Variants in LRRTM4 observed in about 807,000 individuals in gnomAD.
LRRTM4 encodes the protein leucine-rich repeat transmembrane neuronal protein 4.
LRRTM4 carries 25 observed loss-of-function variants against 47.6 expected under a neutral mutation model. The observed-to-expected ratio is 0.53, with a 90% CI of 0.38 to 0.73. The LOEUF is 0.73. LRRTM4 is among the 30% of genes least tolerant of loss of function. The probability of loss-of-function intolerance (pLI) is 0.00; values close to 1 mark genes in which losing one functional copy is unlikely to be tolerated. For synonymous variants in LRRTM4, 311 were observed against 269.5 expected (o/e 1.15, Z -1.51); for missense variants, 638 against 713.4 (o/e 0.89, Z 1.20).
At chr2:77,085,270 C>T (rs1038172822) in intron 3 of LRRTM4, among the ~76,000 whole-genome samples, 4 of 151,476 alleles carry the variant, frequency 2.6e-5, no homozygotes, top group African/African-American at 9.7e-5. Flanking sequence ...TCATAGTAAG[C>T]CTTTTATTTT....
intron 3 of LRRTM4, among the ~76,000 whole-genome samples, chr2:77,062,646 G>A (rs1679823676): frequency 6.6e-6 from 1 of 152,018 alleles, no homozygotes; most frequent in African/African-American, 2.4e-5. Flanking sequence ...GGACTTAGAT[G>A]GTAACTCAGG....
At chr2:77,068,853 G>T (rs1345819416) in intron 3 of LRRTM4, among the ~76,000 whole-genome samples, 2 of 152,188 alleles carry the variant, frequency 1.3e-5, no homozygotes, top group African/African-American at 2.4e-5. Flanking sequence ...AAGGTTGTGG[G>T]TTTACCGGAA....
chr2:77,430,173 C>A (rs112867423), intron 3 of LRRTM4, among the ~76,000 whole-genome samples: 1 of 152,024 alleles, frequency 6.6e-6, no homozygotes, highest in Non-Finnish European at 1.5e-5. Context: ...CAAACAATAA[C>A]AATGTGAGGT....
At chr2:77,130,487 G>C (rs1671764928) in intron 3 of LRRTM4, among the ~76,000 whole-genome samples, 2 of 151,870 alleles carry the variant, frequency 1.3e-5, no homozygotes, top group South Asian at 4.2e-4. Flanking sequence ...TTGTTTGTCA[G>C]ACATATACTA....
chr2:77,217,475 C>T (rs755104895), intron 3 of LRRTM4, among the ~76,000 whole-genome samples: 3 of 33,960 alleles, frequency 8.8e-5, no homozygotes, highest in Non-Finnish European at 1.5e-4. Flanking sequence ...ATATACTAAG[C>T]CTTTAATTTA....
chr2:76,841,249 G>C (rs999202249), intron 3 of LRRTM4, among the ~76,000 whole-genome samples: 1 of 151,036 alleles, frequency 6.6e-6, no homozygotes, highest in Admixed American at 6.6e-5. Context: ...CACAGGAAGG[G>C]GAACATCACA....
chr2:77,302,037 T>C (rs147241691), intron 3 of LRRTM4, among the ~76,000 whole-genome samples: 55 of 152,318 alleles, frequency 3.6e-4, no homozygotes, highest in African/African-American at 1.2e-3. Flanking sequence ...TTCTTTGTCA[T>C]CTAGGTAGAA....
chr2:76,853,456 C>A (rs1163763358), intron 3 of LRRTM4, among the ~76,000 whole-genome samples: 1 of 152,010 alleles, frequency 6.6e-6, no homozygotes, highest in African/African-American at 2.4e-5. Context: ...TTGCTGACTT[C>A]TTTTTTAAGA....
At chr2:77,006,328 C>T (rs1192666364) in intron 3 of LRRTM4, among the ~76,000 whole-genome samples, 1 of 152,140 alleles carries the variant, frequency 6.6e-6, no homozygotes, top group Non-Finnish European at 1.5e-5. Flanking sequence ...AAGATGTTTT[C>T]TAAATTCTCA....
intron 3 of LRRTM4, among the ~76,000 whole-genome samples, chr2:77,036,285 C>A (rs1306199743): frequency 1.3e-5 from 2 of 151,732 alleles, no homozygotes; most frequent in Non-Finnish European, 2.9e-5. Flanking sequence ...TATAGCATTT[C>A]TGGCTTTATC....
At chr2:76,829,285 G>C (rs751454734) in intron 3 of LRRTM4, among the ~76,000 whole-genome samples, 38 of 152,056 alleles carry the variant, frequency 2.5e-4, no homozygotes, top group Non-Finnish European at 4.9e-4. Context: ...ATGTGTATAA[G>C]GCTCCTCGAG....
chr2:77,271,642 A>G (rs1483397725), intron 3 of LRRTM4, among the ~76,000 whole-genome samples: 1 of 152,146 alleles, frequency 6.6e-6, no homozygotes, highest in Non-Finnish European at 1.5e-5. Flanking sequence ...ATAGCTTCCT[A>G]AAGGGTCTTT....
At chr2:76,828,157 CTT>C (rs1234395998) in intron 3 of LRRTM4, among the ~76,000 whole-genome samples, 1 of 151,846 alleles carries the variant, frequency 6.6e-6, no homozygotes, top group East Asian at 1.9e-4. Context: ...GTGAATTTCA[CTT>C]TAACATTGAA....
At chr2:77,230,046 T>C (rs927142005) in intron 3 of LRRTM4, among the ~76,000 whole-genome samples, 1 of 152,126 alleles carries the variant, frequency 6.6e-6, no homozygotes, top group Non-Finnish European at 1.5e-5. Flanking sequence ...ATTCTTGTAA[T>C]TCCTCTAATT....
intron 3 of LRRTM4, among the ~76,000 whole-genome samples, chr2:77,201,313 A>G (rs1279100779): frequency 6.6e-6 from 1 of 152,116 alleles, no homozygotes; most frequent in Non-Finnish European, 1.5e-5. Context: ...CTATAGGAGT[A>G]CCCAAGAAAA....
At chr2:77,510,249 A>G (rs964064798) in intron 3 of LRRTM4, among the ~76,000 whole-genome samples, 4 of 152,140 alleles carry the variant, frequency 2.6e-5, no homozygotes, top group Non-Finnish European at 5.9e-5. Flanking sequence ...GTTAAAGGAA[A>G]CAAGAAATCA....
chr2:76,762,818 A>AT (rs1673305266), intron 3 of LRRTM4, among the ~76,000 whole-genome samples: 1 of 152,204 alleles, frequency 6.6e-6, no homozygotes, highest in South Asian at 2.1e-4. Context: ...TAACTCTTTA[A>AT]TGAAAGCCAT....
intron 3 of LRRTM4, among the ~76,000 whole-genome samples, chr2:76,805,351 G>A (rs1195311546): frequency 6.6e-6 from 1 of 152,070 alleles, no homozygotes; most frequent in Non-Finnish European, 1.5e-5. Flanking sequence ...GGGATAATGG[G>A]ATAAACCATT....
intron 3 of LRRTM4, among the ~76,000 whole-genome samples, chr2:76,811,392 T>C (rs1201258163): frequency 2.0e-5 from 3 of 152,284 alleles, no homozygotes; most frequent in African/African-American, 7.2e-5. Context: ...AATAGGCATT[T>C]TGAAGAGGAA....
Sources: allele counts gnomAD v4.1 joint callset (sites outside exome capture counted in the v4.1 genomes callset), GRCh38; gene constraint gnomAD v4.1.1; transcripts MANE v1.5; gene names NCBI Gene and HGNC (gene_info 2026-07-23, HGNC 2026-07-21).